NLRP12: variants seen among roughly 807,000 people sequenced by gnomAD.
NLRP12 encodes the protein NLR family pyrin domain containing 12.
NLRP12 carries 108 observed loss-of-function variants against 91.2 expected under a neutral mutation model. The observed-to-expected ratio is 1.18, with a 90% CI of 1.01 to 1.39. The LOEUF (loss-of-function observed/expected upper bound fraction) is 1.39. Ranked by LOEUF, NLRP12 falls within the 40% of genes most tolerant of loss-of-function variation. The pLI is 0.00. For missense variants in NLRP12, 1,530 were observed against 1,352.7 expected (o/e 1.13, Z -2.06); for synonymous variants, 613 against 566.7 (o/e 1.08, Z -1.16).
At chr19:53,796,148 C>G in intron 8 of NLRP12, 119 bp from the exon 9 acceptor site, 1 of 909,306 alleles carries the variant, frequency 1.1e-6, no homozygotes, top group Non-Finnish European at 1.8e-6. Context: ...TTCACTGCAA[C>G]CTCCGCCTCC....
intron 8 of NLRP12, among the ~76,000 whole-genome samples, chr19:53,796,907 G>C (rs1368647789): frequency 5.9e-5 from 2 of 33,960 alleles, no homozygotes; most frequent in East Asian, 9.4e-4. Context: ...GGCAGGAATT[G>C]CTTGAACCCG....
chr19:53,806,396 TG>T lies in NLRP12; in HGVS notation c.2244-947del, dbSNP rs1411781089. 7.3e-5 allele frequency among the ~76,000 whole-genome samples: 11 copies of T among 151,518 alleles called. No homozygotes were observed. The East Asian group carries it at 2.2e-3, about 30-fold the overall frequency. On this transcript the variant is annotated intron_variant, in intron 4 of 9. Transcript: ENST00000324134. ...TCTCCAAAACATACAAAAATTAGCC[TG>T]GTGTGGCTGGGCACGGTGGCTCAGT...
Position 53,810,360 on chromosome 19 carries a change from T to C in NLRP12, c.1299A>G (p.Ala433=), listed in dbSNP as rs73608455. The C allele has an allele frequency of 4.0e-4, 652 of 1,613,594 alleles. 3 individuals are homozygous for C. In the African/African-American group the frequency reaches 7.1e-3, roughly 17 times the overall value. The part of the protein sequence containing the change: ...LLRQTSRTTT[A]VYMLYLLSLM... ...GACTCAGCAGGTAGAGCATGTACAC[T>C]GCAGTGGTGGTCCTGGACGTCTGTC... Residue 433 remains alanine, a synonymous_variant, in exon 3 of 10, where the codon GCA becomes GCG. Coordinates refer to ENST00000324134, the MANE Select transcript of NLRP12 (RefSeq NM_144687.4).
chr19:53,818,378 G>C (rs1314620373), intron 1 of NLRP12, among the ~76,000 whole-genome samples: 2 of 151,598 alleles, frequency 1.3e-5, no homozygotes, highest in Non-Finnish European at 2.9e-5. Context: ...TTTTTTTAAA[G>C]GTAATCCAGG....
At chr19:53,797,599 G>T (rs1039318135) in intron 8 of NLRP12, among the ~76,000 whole-genome samples, 1 of 149,708 alleles carries the variant, frequency 6.7e-6, no homozygotes, top group Admixed American at 6.6e-5. Context: ...TTGTATTTTT[G>T]TAGAATGGTG....
chr19:53,802,336 A>G (rs1269819361), intron 6 of NLRP12, among the ~76,000 whole-genome samples: 1 of 152,118 alleles, frequency 6.6e-6, no homozygotes, highest in Non-Finnish European at 1.5e-5. Context: ...GCTCAATCTC[A>G]ATAATCATTG....
intron 2 of NLRP12, among the ~76,000 whole-genome samples, 177 bp from the exon 3 acceptor site, chr19:53,811,465 G>C (rs2092075750): frequency 6.6e-6 from 1 of 151,734 alleles, no homozygotes; most frequent in Non-Finnish European, 1.5e-5. Context: ...AGTGAGCTGA[G>C]ATCGCACCAC....
chr19:53,803,870 G>A (rs1355047486), intron 6 of NLRP12, 82 bp downstream of exon 6: 40 of 1,417,180 alleles, frequency 2.8e-5, no homozygotes, highest in Non-Finnish European at 3.6e-5. Context: ...CACTGCGCCC[G>A]ACCTGTGGAT....
At chr19:53,811,406 C>T (rs2122685580) in intron 2 of NLRP12, 118 bp from the exon 3 acceptor site, 1 of 1,188,676 alleles carries the variant, frequency 8.4e-7, no homozygotes, top group African/African-American at 1.5e-5. Context: ...TCCAGCTACT[C>T]AGGAGGCTGA....
rs181585254 is a variant in NLRP12 at position 53,797,389 on chromosome 19, C to T, written c.2927+854G>A. Among the ~76,000 whole-genome samples the T allele has an allele frequency of 2.0e-5, 3 of 152,102 alleles. No homozygotes were observed. In the East Asian group the frequency reaches 5.8e-4, roughly 29 times the overall value. On this transcript the variant is annotated intron_variant, in intron 8 of 9. Coordinates refer to ENST00000324134, the MANE Select transcript of NLRP12 (RefSeq NM_144687.4). ...CTGTCCGCCTTGGACTCCCAAAGTG[C>T]TGGGATTACAGGCATGAGCCACTGT...
chr19:53,804,537 C>T (rs2091926744), intron 5 of NLRP12, among the ~76,000 whole-genome samples: 1 of 150,680 alleles, frequency 6.6e-6, no homozygotes, highest in South Asian at 2.1e-4. Context: ...GCTGGGACTA[C>T]AGGCTGGGCT....
intron 1 of NLRP12, among the ~76,000 whole-genome samples, chr19:53,823,001 C>A (rs2092281439): frequency 6.6e-6 from 1 of 151,422 alleles, no homozygotes; most frequent in African/African-American, 2.4e-5. Flanking sequence ...TTCCTGACCT[C>A]AGGTGACCCA....
At chr19:53,823,295 T>C (rs2122795283) in intron 1 of NLRP12, among the ~76,000 whole-genome samples, 1 of 139,720 alleles carries the variant, frequency 7.2e-6, no homozygotes, top group South Asian at 2.1e-4. Context: ...ACCATATTTA[T>C]ATAATATAGT....
Position 53,810,432 on chromosome 19 carries a change from C to T in NLRP12, c.1227G>A (p.Val409=). ...GCTGCTGCTGGAGGCAGGTACACAC[C>T]ACCCAGCACACCAGGGGGACGAAGC... ...TMCFVPLVCW[V]VCTCLQQQLE... The change falls in exon 3 of 10, where the codon GTG becomes GTA. Residue 409 remains valine (V), a synonymous_variant. Coordinates refer to ENST00000324134, the MANE Select transcript of NLRP12 (RefSeq NM_144687.4). 6.2e-7 allele frequency: 1 copy of T among 1,613,996 alleles called. No individual in the cohort carries two copies. The highest frequency in any genetic ancestry group is 8.5e-7 in the Non-Finnish European group (1 of 1,180,020).
chr19:53,823,845 C>G lies in NLRP12; in HGVS notation c.289+41G>C, dbSNP rs755658780. ...GATTACAGGTATGAGTCACTGGACCCGGCTGGCATTCTAGCCTTGCCTGTC... is the reference window on the plus strand; with the variant it reads ...GATTACAGGTATGAGTCACTGGACCGGGCTGGCATTCTAGCCTTGCCTGTC... On this transcript the variant is annotated intron_variant, in intron 1 of 9. Coordinates refer to ENST00000324134, the MANE Select transcript of NLRP12 (RefSeq NM_144687.4). 12 of 1,610,628 alleles carry G rather than the reference C, an allele frequency of 7.5e-6. No individual in the cohort carries two copies. In the African/African-American group the frequency reaches 9.3e-5, roughly 13 times the overall value.
rs182914660 is a variant in NLRP12, at chr19:53,802,435, T to C, written c.2586-1038A>G. 1.8e-3 allele frequency among the ~76,000 whole-genome samples: 278 copies of C among 151,870 alleles called. 1 individual carries two copies. The highest frequency in any genetic ancestry group is 6.2e-3 in the African/African-American group (258 of 41,432). On this transcript the variant is annotated intron_variant, in intron 6 of 9. Transcript: ENST00000324134. ...AAAATAAATAGAATGCGGCCGGGCA[T>C]GGTGGCTCACGCCTGTAATCCCAGC...
At chr19:53,808,136 T>C (rs535316004) in intron 3 of NLRP12, 5 of 307,610 alleles carry the variant, frequency 1.6e-5, no homozygotes, top group African/African-American at 8.6e-5. Flanking sequence ...TGGCTCACTG[T>C]AGGCTTGACC....
chr19:53,815,033 G>C, intron 1 of NLRP12, 45 bp from the exon 2 acceptor site: 1 of 1,376,600 alleles, frequency 7.3e-7, no homozygotes, highest in East Asian at 2.3e-5. Flanking sequence ...CATCTGGCTA[G>C]TAGCACCGCG....
rs1371608158 is a variant in NLRP12, at chr19:53,817,554, G to A, written c.290-2566C>T. Among the ~76,000 whole-genome samples the A allele has an allele frequency of 4.0e-5, 6 of 151,280 alleles. No individual in the cohort carries two copies. The East Asian group carries it at 1.0e-3, about 25-fold the overall frequency. On this transcript the variant is annotated intron_variant, in intron 1 of 9. Coordinates refer to ENST00000324134, the MANE Select transcript of NLRP12 (RefSeq NM_144687.4). Reference sequence around the variant, plus strand: ...AGTTCAAGACCAGTCTGACCAACATGGAGAAACCCCATCTCTACTAAAAAT... The same window carrying A: ...AGTTCAAGACCAGTCTGACCAACATAGAGAAACCCCATCTCTACTAAAAAT...
Sources: gnomAD v4.1 joint callset for allele counts (sites outside exome capture counted in the v4.1 genomes callset) on GRCh38, gnomAD v4.1.1 for gene constraint, MANE v1.5 for transcripts, NCBI Gene and HGNC (gene_info 2026-07-23, HGNC 2026-07-21) for gene names.